The following DPP6 variants were observed in gnomAD, a reference collection of about 807,000 sequenced individuals.
DPP6 encodes the protein dipeptidyl peptidase like 6.
A neutral mutation model predicts 122.6 loss-of-function variants in DPP6; 69 were observed. That is an observed-to-expected ratio of 0.56 (90% CI 0.46 to 0.69). The LOEUF (loss-of-function observed/expected upper bound fraction) is 0.69. Among genes scored for constraint, DPP6 ranks in the 30% least tolerant of loss-of-function variants. DPP6 has a pLI of 0.00. For missense variants in DPP6, 928 were observed against 1,116.9 expected, an observed-to-expected ratio of 0.83 and a Z score of 2.41; for synonymous variants, 418 against 433.1, an observed-to-expected ratio of 0.97 and a Z score of 0.43.
At chr7:153,860,013 G>C in the DPP6 span, among the ~76,000 whole-genome samples, 1 of 152,134 alleles carries the variant, frequency 6.6e-6, no homozygotes, top group Non-Finnish European at 1.5e-5. Flanking sequence ...TATCACTAAG[G>C]TTCGCTTAAC....
chr7:154,279,071 A>G (rs1804332012), intron 1 of DPP6, among the ~76,000 whole-genome samples: 1 of 149,844 alleles, frequency 6.7e-6, no homozygotes, highest in Non-Finnish European at 1.5e-5. Context: ...GTGTGTGTGC[A>G]GCTGATGTGT....
At chr7:154,714,222 C>T (rs1467554955) in intron 7 of DPP6, among the ~76,000 whole-genome samples, 1 of 152,232 alleles carries the variant, frequency 6.6e-6, no homozygotes, top group Admixed American at 6.5e-5. Context: ...GCCCTCTAAT[C>T]TGTAGGAAGT....
At chr7:154,809,480 A>G (rs184577774) in intron 16 of DPP6, among the ~76,000 whole-genome samples, 12 of 152,330 alleles carry the variant, frequency 7.9e-5, no homozygotes, top group African/African-American at 2.9e-4. Context: ...CTTTTGTTAA[A>G]GAAAGAATTC....
chr7:154,185,204 A>T (rs1020530020), intron 1 of DPP6, among the ~76,000 whole-genome samples: 2 of 152,364 alleles, frequency 1.3e-5, no homozygotes, highest in South Asian at 4.1e-4. Context: ...GGCTATTAAC[A>T]TAATCCTGTG....
rs537509585 is a variant in DPP6, at chr7:154,124,078, T to G, written c.243+71015T>G. Among the ~76,000 whole-genome samples the G allele has an allele frequency of 2.3e-3, 350 of 151,446 alleles. 1 individual carries two copies. The highest frequency in any genetic ancestry group is 7.3e-3 in the African/African-American group (300 of 41,294). On this transcript the variant is annotated intron_variant, in intron 1 of 25. Coordinates refer to ENST00000377770, the MANE Select transcript of DPP6 (RefSeq NM_130797.4). ...GGATAGATGTGCCACCCACTCACTA[T>G]GATTACCTGGGGACAGATGTGCTGT...
At chr7:153,954,203 A>G (rs1034725654) in intron 1 of DPP6, among the ~76,000 whole-genome samples, 4 of 152,220 alleles carry the variant, frequency 2.6e-5, no homozygotes, top group Non-Finnish European at 5.9e-5. Context: ...TTTGGACTAT[A>G]ATGTTTGTCT....
intron 16 of DPP6, among the ~76,000 whole-genome samples, chr7:154,837,603 T>G (rs1406272368): frequency 6.6e-6 from 1 of 152,122 alleles, no homozygotes; most frequent in Non-Finnish European, 1.5e-5. Flanking sequence ...AGTGACAGAA[T>G]TTGTGGCAAT....
chr7:153,997,735 A>G (rs1363879891), intron 1 of DPP6, among the ~76,000 whole-genome samples: 2 of 147,148 alleles, frequency 1.4e-5, no homozygotes, highest in Non-Finnish European at 3.0e-5. Flanking sequence ...TCCAGCGACA[A>G]AAAGCTCCTA....
Position 153,953,837 on chromosome 7 carries a change from AC to A in DPP6, c.51+66104del, listed in dbSNP as rs553871753. 1.8e-4 allele frequency among the ~76,000 whole-genome samples: 27 copies of A among 152,262 alleles called. No individual in the cohort carries two copies. In the South Asian group the frequency reaches 5.2e-3, roughly 29 times the overall value. On this transcript the variant is annotated intron_variant, in intron 1 of 25. Coordinates refer to the DPP6 transcript ENST00000404039. ...TGCGTCTACAGGCACACATACAAAG[AC>A]ATTTATTTCAGGGAATTTGCTCACC...
intron 10 of DPP6, among the ~76,000 whole-genome samples, chr7:154,782,818 C>G (rs1364249797): frequency 2.0e-5 from 3 of 152,098 alleles, no homozygotes; most frequent in Non-Finnish European, 4.4e-5. Flanking sequence ...GAGCCTCGCT[C>G]TGTCGCCCAG....
chr7:153,914,720 A>G (rs565023718), intron 1 of DPP6, among the ~76,000 whole-genome samples: 1 of 152,302 alleles, frequency 6.6e-6, no homozygotes, highest in Non-Finnish European at 1.5e-5. Context: ...TTCTTTACAG[A>G]TAAAGACATC....
intron 10 of DPP6, among the ~76,000 whole-genome samples, chr7:154,777,887 C>T (rs1796683953): frequency 6.6e-6 from 1 of 152,176 alleles, no homozygotes; most frequent in South Asian, 2.1e-4. Context: ...TCAGAGGCCT[C>T]TCACTTTCAT....
At chr7:154,373,333 T>C (rs1463549696) in intron 1 of DPP6, among the ~76,000 whole-genome samples, 1 of 152,234 alleles carries the variant, frequency 6.6e-6, no homozygotes, top group East Asian at 1.9e-4. Context: ...TCTTTTTTTA[T>C]TTGATTAATA....
chr7:154,629,748 A>G (rs983584744), intron 5 of DPP6, among the ~76,000 whole-genome samples: 2 of 152,128 alleles, frequency 1.3e-5, no homozygotes, highest in Admixed American at 6.5e-5. Context: ...CTCATATGCT[A>G]TCCATGCTGG....
the DPP6 span, among the ~76,000 whole-genome samples, chr7:153,765,309 A>G: frequency 6.6e-6 from 1 of 152,148 alleles, no homozygotes; most frequent in African/African-American, 2.4e-5. Context: ...TGGGAGGCCA[A>G]GGCAGGTGGA....
At chr7:153,887,815 A>G in intron 1 of DPP6, 1 of 1,480,850 alleles carries the variant, frequency 6.8e-7, no homozygotes, top group Non-Finnish European at 9.2e-7. Flanking sequence ...TGTCCTTCTC[A>G]GTCCCGAACC....
At chr7:154,797,807 C>A (rs761248774) in intron 12 of DPP6, among the ~76,000 whole-genome samples, 1 of 152,162 alleles carries the variant, frequency 6.6e-6, no homozygotes, top group Non-Finnish European at 1.5e-5. Context: ...TTTACCTCAA[C>A]GATTTTTTAA....
At chr7:154,681,808 T>G (rs1348606932) in intron 7 of DPP6, among the ~76,000 whole-genome samples, 1 of 152,246 alleles carries the variant, frequency 6.6e-6, no homozygotes, top group African/African-American at 2.4e-5. Context: ...TTTAAAGTGC[T>G]GAAATACTGT....
chr7:154,110,365 GA>G, intron 1 of DPP6, among the ~76,000 whole-genome samples: 1 of 152,260 alleles, frequency 6.6e-6, no homozygotes, highest in South Asian at 2.1e-4. Context: ...ACATGAAACA[GA>G]AAACACTATG....
Sources: gnomAD v4.1 joint callset for allele counts (sites outside exome capture counted in the v4.1 genomes callset) on GRCh38, gnomAD v4.1.1 for gene constraint, MANE v1.5 for transcripts, NCBI Gene and HGNC (gene_info 2026-07-23, HGNC 2026-07-21) for gene names.